Variants in TSHZ1 observed in about 807,000 individuals in gnomAD.
TSHZ1 encodes teashirt homolog 1.
A neutral mutation model predicts 67.1 loss-of-function variants in TSHZ1; 12 were observed. That is an observed-to-expected ratio of 0.18 (90% CI 0.11 to 0.29). TSHZ1 has a LOEUF of 0.29. TSHZ1 is among the 10% of genes least tolerant of loss of function. The probability of loss-of-function intolerance (pLI) is 1.00; values close to 1 mark genes in which losing one functional copy is unlikely to be tolerated. For missense variants in TSHZ1, 1,305 were observed against 1,413.9 expected, an observed-to-expected ratio of 0.92 and a Z score of 1.23; for synonymous variants, 632 against 622.4, an observed-to-expected ratio of 1.02 and a Z score of -0.23.
chr18:75,245,300 C>G (rs2023208440), intron 1 of TSHZ1: 1 of 152,222 alleles, frequency 6.6e-6, no homozygotes, highest in African/African-American at 2.4e-5. Flanking sequence ...GGGAAATAGC[C>G]AGTGCCACCT....
chr18:75,225,157 G>A (rs1263605519), intron 1 of TSHZ1, among the ~76,000 whole-genome samples: 5 of 152,324 alleles, frequency 3.3e-5, no homozygotes, highest in East Asian at 1.9e-4. Context: ...CACGTGGGAC[G>A]TGGAAGCTGC....
At chr18:75,248,488 C>A (rs1170438428) in intron 1 of TSHZ1, among the ~76,000 whole-genome samples, 1 of 152,166 alleles carries the variant, frequency 6.6e-6, no homozygotes, top group Non-Finnish European at 1.5e-5. Context: ...TATACATAAT[C>A]CAAGGGTTAT....
At chr18:75,230,104 A>G (rs1427770934) in intron 1 of TSHZ1, among the ~76,000 whole-genome samples, 1 of 152,238 alleles carries the variant, frequency 6.6e-6, no homozygotes. Flanking sequence ...ACATGTCTAC[A>G]AACAGGAAGT....
Position 75,286,895 on chromosome 18 carries a change from T to G in TSHZ1, c.1488T>G (p.Ser496=), listed in dbSNP as rs746580243. ...QPDSPAGSTT[S]EEKKEPEKEK... is the part of the protein sequence containing the mutation. ...ACTCTCCCGCGGGGTCCACGACTTCTGAAGAAAAGAAAGAGCCAGAGAAGG... is the reference window on the plus strand; with the variant it reads ...ACTCTCCCGCGGGGTCCACGACTTCGGAAGAAAAGAAAGAGCCAGAGAAGG... The change falls in exon 2 of 2, where the codon TCT becomes TCG. Residue 496 remains serine (S), a synonymous_variant. Coordinates refer to ENST00000580243, the MANE Select transcript of TSHZ1 (RefSeq NM_001308210.2). The surrounding 1 kb of genome is among the most constrained non-coding windows in gnomAD (Gnocchi z 5.1). The G allele has an allele frequency of 1.9e-6, 3 of 1,613,958 alleles. No individual in the cohort carries two copies. Among genetic ancestry groups the G allele is most frequent in the Non-Finnish European group, 2.5e-6 (3 of 1,180,028 alleles).
At chr18:75,237,787 C>A (rs1012279166) in intron 1 of TSHZ1, among the ~76,000 whole-genome samples, 215 of 104,380 alleles carry the variant, frequency 2.1e-3, no homozygotes, top group Non-Finnish European at 3.9e-3. Flanking sequence ...AGCCTTCTTT[C>A]TTTCATTTAT....
At chr18:75,238,861 C>T (rs2023117252) in intron 1 of TSHZ1, among the ~76,000 whole-genome samples, 1 of 152,226 alleles carries the variant, frequency 6.6e-6, no homozygotes, top group South Asian at 2.1e-4. Flanking sequence ...TGTTTTCCTG[C>T]ATCTTTGGCT....
chr18:75,239,718 G>A (rs562802399), intron 1 of TSHZ1, among the ~76,000 whole-genome samples: 2 of 152,230 alleles, frequency 1.3e-5, no homozygotes, highest in South Asian at 4.1e-4. Context: ...TGCCCAGGTT[G>A]GTCTCAAACT....
intron 1 of TSHZ1, among the ~76,000 whole-genome samples, chr18:75,282,160 G>A (rs1453807036): frequency 6.6e-6 from 1 of 152,162 alleles, no homozygotes; most frequent in Non-Finnish European, 1.5e-5. Flanking sequence ...GAGATACATT[G>A]TAGCTCAGCC....
At chr18:75,229,156 A>G (rs2022963746) in intron 1 of TSHZ1, among the ~76,000 whole-genome samples, 3 of 152,352 alleles carry the variant, frequency 2.0e-5, no homozygotes, top group South Asian at 2.1e-4. Context: ...ATGCCATCCC[A>G]GGGCAATCTG....
chr18:75,254,370 G>T (rs143674697), intron 1 of TSHZ1, among the ~76,000 whole-genome samples: 2,300 of 152,256 alleles, frequency 0.015, 39 homozygotes, highest in Middle Eastern at 0.054. Flanking sequence ...GTAAAACCTC[G>T]TCTATGCAGA....
intron 1 of TSHZ1, among the ~76,000 whole-genome samples, chr18:75,268,084 A>G (rs1042588521): frequency 6.6e-6 from 1 of 152,216 alleles, no homozygotes; most frequent in African/African-American, 2.4e-5. Flanking sequence ...TAATTTGGAA[A>G]CTTAACAGTT....
chr18:75,230,812 G>A (rs899069948), intron 1 of TSHZ1, among the ~76,000 whole-genome samples: 2 of 152,108 alleles, frequency 1.3e-5, no homozygotes, highest in Non-Finnish European at 2.9e-5. Context: ...AGGAGGGTGT[G>A]GAAAATTACT....
At chr18:75,247,158 T>G (rs2023234282) in intron 1 of TSHZ1, among the ~76,000 whole-genome samples, 1 of 152,210 alleles carries the variant, frequency 6.6e-6, no homozygotes, top group Admixed American at 6.5e-5. Flanking sequence ...GTAGTTTCTT[T>G]TCAGTTGCCG....
chr18:75,228,158 A>G (rs1281183798), intron 1 of TSHZ1, among the ~76,000 whole-genome samples: 2 of 152,220 alleles, frequency 1.3e-5, no homozygotes, highest in Admixed American at 6.5e-5. Flanking sequence ...TCAACTCACT[A>G]TAGCGTGATT....
chr18:75,221,195 A>C (rs1032344777), intron 1 of TSHZ1: 2 of 152,230 alleles, frequency 1.3e-5, no homozygotes, highest in Admixed American at 6.5e-5. Context: ...AAGTACTTAC[A>C]TGCTTATAAA....
intron 1 of TSHZ1, among the ~76,000 whole-genome samples, chr18:75,272,140 G>T (rs1487246904): frequency 6.6e-6 from 1 of 152,192 alleles, no homozygotes; most frequent in African/African-American, 2.4e-5. Flanking sequence ...GGCATAGACC[G>T]ATTCATCTCC....
chr18:75,245,543 A>G (rs1568358912), intron 1 of TSHZ1: 1 of 152,210 alleles, frequency 6.6e-6, no homozygotes, highest in Non-Finnish European at 1.5e-5. Context: ...TGCCCGCTGC[A>G]CCAGACGTGG....
intron 1 of TSHZ1, among the ~76,000 whole-genome samples, chr18:75,263,219 C>A (rs1469022335): frequency 6.6e-6 from 1 of 152,128 alleles, no homozygotes; most frequent in African/African-American, 2.4e-5. Context: ...TGTAATCTAG[C>A]AAGCTAAGAT....
In TSHZ1 at chr18:75,287,772, G is replaced by C; in HGVS notation, c.2365G>C (p.Ala789Pro). The change falls in exon 2 of 2, where the codon GCC becomes CCC. Residue 789 changes from alanine (A) to proline (P), a missense_variant. This residue lies in a region of TSHZ1 where 909 missense variants were observed against 961.8 expected (regional missense o/e 0.95). Transcript: ENST00000580243. The surrounding 1 kb of genome is among the most constrained non-coding windows in gnomAD (Gnocchi z 5.0). Reference sequence around the variant, plus strand: ...CATGCTGGACAAGCCGGTGTACCCCGCCACCCCTGTGAAGCAGGCCGATGC... The same window carrying C: ...CATGCTGGACAAGCCGGTGTACCCCCCCACCCCTGTGAAGCAGGCCGATGC... The part of the protein sequence containing the change: ...NSMLDKPVYP[A>P]TPVKQADAID... The C allele has an allele frequency of 6.2e-7, 1 of 1,614,144 alleles. No individual in the cohort carries two copies. The highest frequency in any genetic ancestry group is 8.5e-7 in the Non-Finnish European group (1 of 1,180,038).
Sources: allele counts gnomAD v4.1 joint callset (sites outside exome capture counted in the v4.1 genomes callset), GRCh38; gene constraint gnomAD v4.1.1; regional missense constraint gnomAD v4.1.1; non-coding constraint Gnocchi (gnomAD v3.1); transcripts MANE v1.5; gene names NCBI Gene and HGNC (gene_info 2026-07-23, HGNC 2026-07-21).